Variants in UBE3C observed in about 807,000 individuals in gnomAD.
UBE3C encodes the protein ubiquitin-protein ligase E3C.
In UBE3C, 42 loss-of-function variants were observed where a neutral mutation model predicts 129.4. That is an observed-to-expected ratio of 0.32 (90% confidence interval 0.25 to 0.42). The LOEUF is 0.42. UBE3C is among the 10% of genes least tolerant of loss of function. UBE3C has a pLI of 1.00. For missense variants in UBE3C, 1,049 were observed against 1,319.1 expected (o/e 0.80, Z 3.17); for synonymous variants, 510 against 492.4 (o/e 1.04, Z -0.47).
chr7:157,170,079 T>C (rs1808323581), intron 3 of UBE3C, among the ~76,000 whole-genome samples: 1 of 128,612 alleles, frequency 7.8e-6, no homozygotes, highest in African/African-American at 3.8e-5. Flanking sequence ...CTTGGCCCCC[T>C]GAAGTGCTGG....
chr7:157,174,001 C>T (rs964661242), intron 4 of UBE3C, among the ~76,000 whole-genome samples: 7 of 152,072 alleles, frequency 4.6e-5, no homozygotes, highest in South Asian at 2.1e-4. Flanking sequence ...ATGTTAATGT[C>T]GAAGAAACTA....
chr7:157,197,546 A>C lies in UBE3C; in HGVS notation c.1332-4175A>C, dbSNP rs533845423. The C allele has an allele frequency of 3.6e-6, 4 of 1,105,078 alleles. No individual in the cohort carries two copies. In the South Asian group the frequency reaches 6.0e-5, roughly 17 times the overall value. 68.5% of individuals were successfully genotyped at this position (1,105,078 alleles called of 1,614,324 possible). On this transcript the variant is annotated intron_variant, in intron 10 of 22. Transcript: ENST00000348165. ...TTTTAATGCTGGAGGTATTGTCCTT[A>C]TTAATACGACACATCATCTGTTCCC...
chr7:157,182,163 C>T lies in UBE3C; in HGVS notation c.826C>T (p.Gln276Ter). The change falls in exon 8 of 23, where the codon CAG (glutamine) becomes TAG (stop). Residue 276 changes from glutamine (Q) to a stop codon, truncating the protein, a stop_gained. Coordinates refer to ENST00000348165, the MANE Select transcript of UBE3C (RefSeq NM_014671.3). LOFTEE classifies it high-confidence loss of function. ...EEFLAAPFTD[Q>*]IFHFIIPALA... ...GTTTCTGGCAGCACCTTTTACAGAT[C>T]AGATTTTTCATTTCATCATTCCGGC... is the stretch of plus-strand genomic sequence containing the variant. 6.2e-7 allele frequency: 1 copy of T among 1,611,844 alleles called. No individual in the cohort carries two copies. Among genetic ancestry groups the T allele is most frequent in the Non-Finnish European group, 8.5e-7 (1 of 1,179,418 alleles).
intron 19 of UBE3C, among the ~76,000 whole-genome samples, chr7:157,251,830 A>G (rs561031188): frequency 6.6e-6 from 1 of 151,478 alleles, no homozygotes; most frequent in African/African-American, 2.4e-5. Flanking sequence ...AAAGTAGTGT[A>G]ACCGTTTAAA....
intron 18 of UBE3C, chr7:157,231,910 A>G (rs914771144): frequency 1.1e-4 from 3 of 27,620 alleles, no homozygotes; most frequent in African/African-American, 4.4e-4. Context: ...AAATTACCAC[A>G]CTCTTTGGGG....
chr7:157,194,183 T>G (rs754732006), intron 10 of UBE3C, among the ~76,000 whole-genome samples: 2 of 152,232 alleles, frequency 1.3e-5, no homozygotes, highest in Non-Finnish European at 1.5e-5. Flanking sequence ...GAAATGGGGC[T>G]GGCTGTTATA....
At chr7:157,245,158 C>T (rs1255110133) in intron 18 of UBE3C, among the ~76,000 whole-genome samples, 4 of 152,188 alleles carry the variant, frequency 2.6e-5, no homozygotes, top group Admixed American at 2.6e-4. Flanking sequence ...AAACCTGCCT[C>T]ATGTAAAAAA....
intron 1 of UBE3C, among the ~76,000 whole-genome samples, chr7:157,140,734 C>T (rs1481671984): frequency 6.6e-6 from 1 of 152,176 alleles, no homozygotes; most frequent in South Asian, 2.1e-4. Context: ...ACCCCACGGG[C>T]CACGGATGTT....
intron 16 of UBE3C, among the ~76,000 whole-genome samples, chr7:157,224,697 A>G (rs183289988): frequency 2.6e-5 from 4 of 151,640 alleles, no homozygotes; most frequent in Admixed American, 6.6e-5. Context: ...AGGCCTATAC[A>G]CTCTATTTGC....
At chr7:157,264,767 C>T (rs538459053) in intron 22 of UBE3C, among the ~76,000 whole-genome samples, 1 of 152,264 alleles carries the variant, frequency 6.6e-6, no homozygotes, top group East Asian at 1.9e-4. Context: ...GATGGGGTTT[C>T]GCCATGTTGG....
intron 18 of UBE3C, among the ~76,000 whole-genome samples, chr7:157,244,835 G>C (rs913200834): frequency 6.6e-6 from 1 of 152,084 alleles, no homozygotes; most frequent in Non-Finnish European, 1.5e-5. Flanking sequence ...TTCGTTACAG[G>C]TCTTTTCCAT....
chr7:157,264,784 T>G (rs1797033055), intron 22 of UBE3C, among the ~76,000 whole-genome samples: 1 of 152,334 alleles, frequency 6.6e-6, no homozygotes, highest in East Asian at 1.9e-4. Context: ...TTGGTCAGGC[T>G]GGTCTCAGAA....
chr7:157,264,951 G>T (rs1235433705), intron 22 of UBE3C, among the ~76,000 whole-genome samples: 1 of 152,132 alleles, frequency 6.6e-6, no homozygotes, highest in Non-Finnish European at 1.5e-5. Flanking sequence ...ATTACATCAG[G>T]ATCATTTTTC....
chr7:157,237,145 T>C (rs1341592747), intron 18 of UBE3C, among the ~76,000 whole-genome samples: 1 of 152,170 alleles, frequency 6.6e-6, no homozygotes, highest in Non-Finnish European at 1.5e-5. Flanking sequence ...TTGCTGCACC[T>C]AAATAAGATT....
intron 10 of UBE3C, among the ~76,000 whole-genome samples, chr7:157,191,432 T>C (rs1299656436): frequency 6.6e-6 from 1 of 152,152 alleles, no homozygotes; most frequent in Non-Finnish European, 1.5e-5. Flanking sequence ...GCTGGGACGA[T>C]AGGCGTGCCA....
Position 157,268,431 on chromosome 7 carries a change from G to A in UBE3C, c.*676G>A, listed in dbSNP as rs1797136783. On this transcript the variant is annotated 3_prime_UTR_variant, in exon 23 of 23. Coordinates refer to ENST00000348165, the MANE Select transcript of UBE3C (RefSeq NM_014671.3). ...ATGTGAGGTGGGGACTTCATTCATT[G>A]TCCTATTTCTATCTCCACTTTGTGC... 1 of 152,638 alleles carries A rather than the reference G, an allele frequency of 6.6e-6. No individual in the cohort carries two copies. The highest frequency in any genetic ancestry group is 1.5e-5 in the Non-Finnish European group (1 of 68,078). 9.5% of individuals were successfully genotyped at this position (152,638 alleles called of 1,614,324 possible).
At chr7:157,190,931 A>G (rs1311394320) in intron 10 of UBE3C, among the ~76,000 whole-genome samples, 2 of 152,086 alleles carry the variant, frequency 1.3e-5, no homozygotes, top group Admixed American at 6.6e-5. Context: ...TGCGTATGCC[A>G]GTCTCTTCCA....
At chr7:157,265,297 G>A (rs984336950) in intron 22 of UBE3C, among the ~76,000 whole-genome samples, 1 of 152,202 alleles carries the variant, frequency 6.6e-6, no homozygotes, top group Non-Finnish European at 1.5e-5. Flanking sequence ...GACTGAGGGC[G>A]ATCTGTGCCT....
intron 22 of UBE3C, among the ~76,000 whole-genome samples, chr7:157,265,031 T>C (rs1376181021): frequency 1.3e-5 from 2 of 152,300 alleles, no homozygotes; most frequent in East Asian, 3.9e-4. Context: ...CAGTTTACTT[T>C]CTGTTTTTTA....
Sources: gnomAD v4.1 joint callset for allele counts (sites outside exome capture counted in the v4.1 genomes callset) on GRCh38, gnomAD v4.1.1 for gene constraint, MANE v1.5 for transcripts, NCBI Gene and HGNC (gene_info 2026-07-23, HGNC 2026-07-21) for gene names.